CCDC77: variants seen among roughly 807,000 people sequenced by gnomAD.
CCDC77 encodes coiled-coil domain containing 77, also known as coiled-coil domain-containing protein 77.
In CCDC77, 56 loss-of-function variants were observed where a neutral mutation model predicts 66.8. That is an observed-to-expected ratio of 0.84 (90% CI 0.68 to 1.05). The LOEUF (loss-of-function observed/expected upper bound fraction) is 1.05, where lower values mean the gene tolerates loss of function less well. Among genes scored for constraint, CCDC77 ranks in the 50% least tolerant of loss-of-function variants. CCDC77 has a pLI of 0.00. For synonymous variants in CCDC77, 196 were observed against 195.2 expected (o/e 1.00, Z -0.03); for missense variants, 570 against 576.8 (o/e 0.99, Z 0.12).
chr12:406,129 C>G (rs1944985228), intron 2 of CCDC77, among the ~76,000 whole-genome samples: 1 of 152,066 alleles, frequency 6.6e-6, no homozygotes, highest in Non-Finnish European at 1.5e-5. Context: ...AGGCTGGTCT[C>G]AAACTCCTGG....
chr12:416,531 C>T (rs1355183455), intron 4 of CCDC77, among the ~76,000 whole-genome samples: 1 of 149,152 alleles, frequency 6.7e-6, no homozygotes, highest in Non-Finnish European at 1.5e-5. Flanking sequence ...TGTCCTGCCT[C>T]AGCCTCCCAA....
intron 8 of CCDC77, 43 bp from the exon 9 acceptor site, chr12:433,131 T>C (rs1026830289): frequency 8.3e-6 from 13 of 1,571,396 alleles, no homozygotes; most frequent in African/African-American, 1.4e-5. Context: ...ATGAAGTAAG[T>C]GGAAGTAGGG....
At chr12:401,109 C>G (rs1291159870), upstream of CCDC77, among the ~76,000 whole-genome samples, 1 of 152,204 alleles carries the variant, frequency 6.6e-6, no homozygotes, top group East Asian at 1.9e-4. Context: ...AGCCCAGTGT[C>G]TTACATTTCT....
Position 389,451 on chromosome 12 carries a change from C to G in CCDC77, c.-148C>G, listed in dbSNP as rs1299839886. On this transcript the variant is annotated 5_prime_UTR_variant, in exon 1 of 12. Transcript: ENST00000422000. The stretch of plus-strand genomic sequence containing the variant: ...GTTTGTCTCCTTGCCCGCCAAAGTT[C>G]TGCCCAGTCCAACGACTCCACGCAG... 1.3e-5 allele frequency: 6 copies of G among 454,538 alleles called. No individual in the cohort carries two copies. In the East Asian group the frequency reaches 2.4e-4, roughly 18 times the overall value. 28.2% of individuals were successfully genotyped at this position (454,538 alleles called of 1,614,324 possible).
Position 440,598 on chromosome 12 carries a change from T to C in CCDC77, c.1042-19T>C. The C allele has an allele frequency of 6.2e-7, 1 of 1,612,902 alleles. No individual in the cohort carries two copies. The highest frequency in any genetic ancestry group is 1.1e-5 in the South Asian group (1 of 90,924). On this transcript the variant is annotated intron_variant, in intron 10 of 12. Transcript: ENST00000239830. Reference sequence around the variant, plus strand: ...TTGTAGAACTGAGTGTTAATGTTTTTTGTCCCTTTGACTTGTAGTCCCTAA... The same window carrying C: ...TTGTAGAACTGAGTGTTAATGTTTTCTGTCCCTTTGACTTGTAGTCCCTAA...
chr12:442,160 A>C lies in CCDC77; in HGVS notation c.*240A>C. The C allele has an allele frequency of 2.2e-6, 1 of 446,372 alleles. No individual in the cohort carries two copies. The highest frequency in any genetic ancestry group is 4.0e-6 in the Non-Finnish European group (1 of 249,644). The allele number at this position is 446,372 out of a possible 1,614,324, so 27.7% of individuals were successfully genotyped here. ...AGGAGTAGGGGCCTGGTCCTGAATG[A>C]CTTGGAGGCTTTCATTATTTATCCT... On this transcript the variant is annotated 3_prime_UTR_variant, in exon 13 of 13. Transcript: ENST00000239830.
chr12:413,013 A>G (rs4980896), intron 4 of CCDC77, among the ~76,000 whole-genome samples: 98,925 of 149,154 alleles, frequency 0.66, 33,530 homozygotes, highest in Admixed American at 0.77. Flanking sequence ...ATCTCAGCTC[A>G]CCACAAGCTC....
chr12:395,106 T>C (rs1944809166), intron 1 of CCDC77: 1 of 152,216 alleles, frequency 6.6e-6, no homozygotes, highest in Admixed American at 6.5e-5. Context: ...AGGCACGGTT[T>C]CATTCTGTCT....
chr12:412,218 T>C (rs1001105950), intron 4 of CCDC77, among the ~76,000 whole-genome samples: 14 of 152,210 alleles, frequency 9.2e-5, no homozygotes, highest in African/African-American at 3.4e-4. Context: ...TTCATCTCCT[T>C]GTACCTGAGT....
At chr12:438,945 G>A (rs927479961) in intron 10 of CCDC77, among the ~76,000 whole-genome samples, 8 of 151,630 alleles carry the variant, frequency 5.3e-5, no homozygotes, top group African/African-American at 1.9e-4. Flanking sequence ...GAGCATGATG[G>A]TGGGTGCCTG....
intron 4 of CCDC77, among the ~76,000 whole-genome samples, chr12:412,859 C>T (rs1361514172): frequency 6.6e-6 from 1 of 152,196 alleles, no homozygotes; most frequent in Non-Finnish European, 1.5e-5. Flanking sequence ...CCTCCTCTCT[C>T]AACATCTTTT....
intron 4 of CCDC77, among the ~76,000 whole-genome samples, chr12:415,653 G>C (rs1280374987): frequency 6.6e-6 from 1 of 151,266 alleles, no homozygotes; most frequent in African/African-American, 2.4e-5. Flanking sequence ...TGTTTTTTGA[G>C]TTAGGGTCTT....
chr12:427,482 T>TG (rs888192212), intron 5 of CCDC77, among the ~76,000 whole-genome samples: 4 of 149,708 alleles, frequency 2.7e-5, no homozygotes, highest in African/African-American at 9.8e-5. Context: ...TTAATTTTTT[T>TG]TTTTTTTTTT....
chr12:414,785 ATTAC>A (rs199596178), intron 4 of CCDC77, among the ~76,000 whole-genome samples: 1,760 of 146,956 alleles, frequency 0.012, 44 homozygotes, highest in African/African-American at 0.046. Context: ...CTTCCTAAAT[ATTAC>A]TTAATCCATT....
At chr12:425,682 C>T (rs1289449747) in intron 5 of CCDC77, among the ~76,000 whole-genome samples, 1 of 152,038 alleles carries the variant, frequency 6.6e-6, no homozygotes, top group East Asian at 1.9e-4. Flanking sequence ...TGGATCACAG[C>T]CTTAAAAACT....
intron 4 of CCDC77, among the ~76,000 whole-genome samples, chr12:412,605 A>G (rs922323470): frequency 6.6e-6 from 1 of 152,320 alleles, no homozygotes; most frequent in Admixed American, 6.5e-5. Context: ...AGCTGTGACA[A>G]TCAAGAATCT....
rs12317361 is a variant in CCDC77 at position 442,481 on chromosome 12, C to A, written c.*561C>A. 2.0e-5 allele frequency: 3 copies of A among 152,142 alleles called. No individual in the cohort carries two copies. Among genetic ancestry groups the A allele is most frequent in the Admixed American group, 6.6e-5 (1 of 15,266 alleles). 9.4% of individuals were successfully genotyped at this position (152,142 alleles called of 1,614,324 possible). On this transcript the variant is annotated 3_prime_UTR_variant, in exon 13 of 13. Coordinates refer to ENST00000239830, the MANE Select transcript of CCDC77 (RefSeq NM_032358.4). ...CACCAGAGGGCGCTAGAGACTCAAACGAAATGTCCATCTGGAAAGATTCGG... is the reference window on the plus strand; with the variant it reads ...CACCAGAGGGCGCTAGAGACTCAAAAGAAATGTCCATCTGGAAAGATTCGG...
chr12:414,232 T>C (rs1407132000), intron 4 of CCDC77, among the ~76,000 whole-genome samples: 1 of 151,342 alleles, frequency 6.6e-6, no homozygotes, highest in African/African-American at 2.5e-5. Context: ...GCTGGGATTA[T>C]AGGTGCCCAC....
chr12:399,521 T>C (rs911880761), upstream of CCDC77, among the ~76,000 whole-genome samples: 16 of 152,220 alleles, frequency 1.1e-4, no homozygotes, highest in Admixed American at 1.0e-3. Context: ...CCTTGATCCA[T>C]GAGCTGCAGA....
Sources: gnomAD v4.1 joint callset for allele counts (sites outside exome capture counted in the v4.1 genomes callset) on GRCh38, gnomAD v4.1.1 for gene constraint, MANE v1.5 for transcripts, NCBI Gene and HGNC (gene_info 2026-07-23, HGNC 2026-07-21) for gene names.